The following CHSY3 variants were observed in gnomAD, a reference collection of about 807,000 sequenced individuals.
CHSY3 encodes N-acetylgalactosaminyl-proteoglycan 3-beta-glucuronosyltransferase 3.
Under a neutral mutation model 67.2 loss-of-function variants are expected in CHSY3, and 35 were observed. That is an observed-to-expected ratio of 0.52 (90% CI 0.40 to 0.69). The LOEUF (loss-of-function observed/expected upper bound fraction) is 0.69. Among genes scored for constraint, CHSY3 ranks in the 30% least tolerant of loss-of-function variants. The pLI, the probability that CHSY3 is intolerant of heterozygous loss-of-function variation, is 0.00. For missense variants in CHSY3, 1,069 were observed against 1,138.5 expected (o/e 0.94, Z 0.88); for synonymous variants, 474 against 434.7 (o/e 1.09, Z -1.12).
chr5:129,976,247 G>A (rs1043321890), intron 2 of CHSY3, among the ~76,000 whole-genome samples: 4 of 152,054 alleles, frequency 2.6e-5, no homozygotes, highest in African/African-American at 9.7e-5. Context: ...TGATGAACTG[G>A]AAGTTTCCTG....
intron 2 of CHSY3, among the ~76,000 whole-genome samples, chr5:129,986,611 A>G (rs942756431): frequency 1.3e-5 from 2 of 152,124 alleles, no homozygotes; most frequent in Non-Finnish European, 2.9e-5. Flanking sequence ...CATTTTCAAC[A>G]TTATCAGAAA....
intron 2 of CHSY3, among the ~76,000 whole-genome samples, chr5:130,000,096 A>G (rs1763675898): frequency 6.6e-6 from 1 of 152,226 alleles, no homozygotes; most frequent in Admixed American, 6.5e-5. Flanking sequence ...GTATTACCAT[A>G]TTTAAAGAAC....
intron 2 of CHSY3, among the ~76,000 whole-genome samples, chr5:129,954,265 G>T (rs1762104752): frequency 6.6e-6 from 1 of 152,098 alleles, no homozygotes; most frequent in African/African-American, 2.4e-5. Flanking sequence ...GTTTTTGTCA[G>T]GTTTGTCAAA....
At chr5:129,912,445 C>A (rs1581358681) in intron 2 of CHSY3, among the ~76,000 whole-genome samples, 1 of 152,242 alleles carries the variant, frequency 6.6e-6, no homozygotes, top group Non-Finnish European at 1.5e-5. Flanking sequence ...TACCTCAGGT[C>A]TTTGAGGTAA....
chr5:129,972,473 AT>A (rs1561479423), intron 2 of CHSY3, among the ~76,000 whole-genome samples: 1 of 151,888 alleles, frequency 6.6e-6, no homozygotes, highest in Non-Finnish European at 1.5e-5. Context: ...ACATCCTATT[AT>A]TTTTGTACAA....
intron 2 of CHSY3, among the ~76,000 whole-genome samples, chr5:129,949,639 C>T (rs1394354297): frequency 6.6e-6 from 1 of 152,034 alleles, no homozygotes; most frequent in Admixed American, 6.6e-5. Context: ...GACACCAAAG[C>T]CAAGATGAGG....
intron 2 of CHSY3, among the ~76,000 whole-genome samples, chr5:129,912,584 G>A (rs889181336): frequency 6.6e-6 from 1 of 152,142 alleles, no homozygotes; most frequent in South Asian, 2.1e-4. Flanking sequence ...TCCGCTTGGT[G>A]ATAGATAAAA....
chr5:130,036,342 T>A (rs1764862677), intron 2 of CHSY3, among the ~76,000 whole-genome samples: 1 of 152,274 alleles, frequency 6.6e-6, no homozygotes, highest in East Asian at 1.9e-4. Context: ...ATTTTCCTAG[T>A]ATATCTCTTC....
intron 2 of CHSY3, among the ~76,000 whole-genome samples, chr5:130,005,492 CTT>C (rs1426371243): frequency 1.3e-5 from 2 of 151,882 alleles, no homozygotes; most frequent in Non-Finnish European, 2.9e-5. Context: ...AATTCACTCT[CTT>C]AGTATGCATT....
intron 2 of CHSY3, among the ~76,000 whole-genome samples, chr5:129,924,462 A>G (rs1037191668): frequency 1.3e-5 from 2 of 151,984 alleles, no homozygotes; most frequent in Non-Finnish European, 2.9e-5. Flanking sequence ...CCTGGCCAAC[A>G]TGATGAAACC....
At chr5:130,030,238 C>G (rs571811386) in intron 2 of CHSY3, among the ~76,000 whole-genome samples, 110 of 152,140 alleles carry the variant, frequency 7.2e-4, no homozygotes, top group African/African-American at 2.6e-3. Context: ...TTTTAAGTGT[C>G]ATAGTTTTCT....
At chr5:130,064,484 C>T (rs1034403099) in intron 2 of CHSY3, among the ~76,000 whole-genome samples, 1 of 152,168 alleles carries the variant, frequency 6.6e-6, no homozygotes, top group Admixed American at 6.6e-5. Context: ...TTTGAAATGA[C>T]TTTTACTTGC....
chr5:130,170,349 G>T (rs936463212), intron 2 of CHSY3, among the ~76,000 whole-genome samples: 2 of 152,000 alleles, frequency 1.3e-5, no homozygotes, highest in African/African-American at 2.4e-5. Context: ...GTATTCCATG[G>T]TGTGTATATA....
intron 2 of CHSY3, among the ~76,000 whole-genome samples, chr5:130,032,347 C>G (rs1324563812): frequency 6.6e-6 from 1 of 152,108 alleles, no homozygotes; most frequent in Non-Finnish European, 1.5e-5. Context: ...ATCATTTCTA[C>G]TAATGTAAAA....
intron 2 of CHSY3, among the ~76,000 whole-genome samples, chr5:129,994,343 G>A (rs1763463879): frequency 6.6e-6 from 1 of 152,086 alleles, no homozygotes; most frequent in African/African-American, 2.4e-5. Context: ...TCACTTTCAG[G>A]TACACCAATC....
chr5:129,957,823 C>T (rs1762221065), intron 2 of CHSY3, among the ~76,000 whole-genome samples: 1 of 152,042 alleles, frequency 6.6e-6, no homozygotes, highest in African/African-American at 2.4e-5. Context: ...AATATAAACA[C>T]TTGTGTCCTT....
intron 2 of CHSY3, among the ~76,000 whole-genome samples, chr5:130,028,386 C>T (rs1175476100): frequency 6.6e-6 from 1 of 151,974 alleles, no homozygotes; most frequent in Non-Finnish European, 1.5e-5. Flanking sequence ...TTTAACAAAC[C>T]TGACAAAAAC....
At chr5:130,014,179 G>T (rs1764145183) in intron 2 of CHSY3, among the ~76,000 whole-genome samples, 1 of 152,126 alleles carries the variant, frequency 6.6e-6, no homozygotes, top group Non-Finnish European at 1.5e-5. Context: ...AAAGTGTCTA[G>T]GAAGTTCCAA....
intron 2 of CHSY3, among the ~76,000 whole-genome samples, chr5:130,072,642 G>T (rs1766114270): frequency 6.6e-6 from 1 of 151,976 alleles, no homozygotes; most frequent in African/African-American, 2.4e-5. Flanking sequence ...TTGGCTATTT[G>T]GGGTCATTTG....
Sources: allele counts gnomAD v4.1 joint callset (sites outside exome capture counted in the v4.1 genomes callset), GRCh38; gene constraint gnomAD v4.1.1; transcripts MANE v1.5; gene names NCBI Gene and HGNC (gene_info 2026-07-23, HGNC 2026-07-21).